PTPRD: variants seen among roughly 807,000 people sequenced by gnomAD.
PTPRD encodes the protein receptor-type tyrosine-protein phosphatase delta.
Under a neutral mutation model 214.5 loss-of-function variants are expected in PTPRD, and 34 were observed. The ratio of observed to expected loss-of-function variants is 0.16; its 90% CI spans 0.12 to 0.21. The LOEUF is 0.21. PTPRD is among the 10% of genes least tolerant of loss of function. The pLI is 1.00. For missense variants in PTPRD, 2,545 were observed against 2,398.7 expected (o/e 1.06, Z -1.27); for synonymous variants, 1,128 against 845.7 (o/e 1.33, Z -5.79).
rs1032459901 is a variant in PTPRD at position 10,438,028 on chromosome 9, T to A, written c.-599-97011A>T. 4.7e-4 allele frequency among the ~76,000 whole-genome samples: 68 copies of A among 144,476 alleles called. 2 individuals carry two copies. The highest frequency in any genetic ancestry group is 2.1e-3 in the South Asian group (10 of 4,666). 94.8% of individuals were successfully genotyped at this position (144,476 alleles called of 152,430 possible). ...GTCTACATATATATATATATATATA[T>A]AGTGAAGGGTCATGTTCCTATAATA... is the stretch of plus-strand genomic sequence containing the variant. On this transcript the variant is annotated intron_variant, in intron 2 of 45. Transcript: ENST00000381196.
At chr9:9,962,087 T>A (rs1421624642) in intron 4 of PTPRD, among the ~76,000 whole-genome samples, 3 of 152,106 alleles carry the variant, frequency 2.0e-5, no homozygotes. Context: ...TTGCAGAACA[T>A]CCTGGGTCTT....
chr9:8,448,865 C>A (rs577063896), intron 34 of PTPRD, among the ~76,000 whole-genome samples: 1 of 152,276 alleles, frequency 6.6e-6, no homozygotes, highest in Admixed American at 6.5e-5. Context: ...ATTTGTGGGA[C>A]AACACTGCAA....
intron 9 of PTPRD, among the ~76,000 whole-genome samples, chr9:9,380,060 G>C (rs1264782577): frequency 6.6e-6 from 1 of 151,994 alleles, no homozygotes; most frequent in Non-Finnish European, 1.5e-5. Flanking sequence ...GTGTTTAAAG[G>C]TGTAGCGAGA....
intron 2 of PTPRD, among the ~76,000 whole-genome samples, chr9:10,343,985 T>G (rs1218777959): frequency 4.4e-5 from 6 of 136,796 alleles, no homozygotes; most frequent in East Asian, 4.3e-4. Flanking sequence ...GTAGTTTTTT[T>G]TTTTTTTTTT....
chr9:8,988,676 AT>A (rs34434355), intron 11 of PTPRD, among the ~76,000 whole-genome samples: 3 of 151,940 alleles, frequency 2.0e-5, no homozygotes, highest in African/African-American at 7.2e-5. Context: ...TAACATTACG[AT>A]TTTTTTAGGC....
At chr9:10,152,426 ATG>A (rs1286363975) in intron 3 of PTPRD, among the ~76,000 whole-genome samples, 1 of 152,188 alleles carries the variant, frequency 6.6e-6, no homozygotes, top group Non-Finnish European at 1.5e-5. Flanking sequence ...TTCATCAGAT[ATG>A]TGATTCACAA....
At chr9:10,539,506 G>C (rs909620413) in intron 2 of PTPRD, among the ~76,000 whole-genome samples, 8 of 152,144 alleles carry the variant, frequency 5.3e-5, no homozygotes, top group African/African-American at 1.9e-4. Context: ...TTAATAGAAA[G>C]TCTAACTCCA....
At chr9:8,897,548 A>T (rs1021788557) in intron 11 of PTPRD, among the ~76,000 whole-genome samples, 3 of 152,202 alleles carry the variant, frequency 2.0e-5, no homozygotes, top group Non-Finnish European at 4.4e-5. Context: ...ATCCCCAGAG[A>T]GGGCCTTCGC....
At chr9:9,066,827 T>A (rs2099735305) in intron 10 of PTPRD, among the ~76,000 whole-genome samples, 1 of 152,256 alleles carries the variant, frequency 6.6e-6, no homozygotes, top group South Asian at 2.1e-4. Context: ...GTGATCTAGC[T>A]GACACCTTAA....
chr9:8,429,471 T>A (rs2094906406), intron 35 of PTPRD, among the ~76,000 whole-genome samples: 1 of 152,198 alleles, frequency 6.6e-6, no homozygotes, highest in Non-Finnish European at 1.5e-5. Context: ...AACACTGTCT[T>A]GATGTATTTC....
intron 5 of PTPRD, among the ~76,000 whole-genome samples, chr9:9,909,884 T>C (rs1401574285): frequency 6.6e-6 from 1 of 151,980 alleles, no homozygotes; most frequent in Non-Finnish European, 1.5e-5. Context: ...GCTGTATATT[T>C]TTTTCTTTAT....
At chr9:9,260,537 C>T (rs1385606466) in intron 9 of PTPRD, among the ~76,000 whole-genome samples, 1 of 151,810 alleles carries the variant, frequency 6.6e-6, no homozygotes, top group Admixed American at 6.6e-5. Context: ...TCCTTCCTAT[C>T]ACCTTTTTTC....
chr9:9,873,913 C>G (rs2066143006), intron 5 of PTPRD, among the ~76,000 whole-genome samples: 2 of 151,926 alleles, frequency 1.3e-5, no homozygotes, highest in South Asian at 4.2e-4. Flanking sequence ...TAAAGTAAAA[C>G]AATAGCTGAC....
intron 3 of PTPRD, among the ~76,000 whole-genome samples, chr9:10,139,938 G>C (rs1413161039): frequency 6.6e-6 from 1 of 152,032 alleles, no homozygotes; most frequent in East Asian, 1.9e-4. Context: ...CAAAATTCTA[G>C]AAGAAAATCC....
At chr9:8,411,316 T>TATTTTA (rs931006788) in intron 35 of PTPRD, among the ~76,000 whole-genome samples, 1 of 152,054 alleles carries the variant, frequency 6.6e-6, no homozygotes, top group East Asian at 1.9e-4. Context: ...TTTTTATTTT[T>TATTTTA]ATTTTTTTTG....
chr9:9,654,819 T>G (rs1342824986), intron 7 of PTPRD, among the ~76,000 whole-genome samples: 1 of 152,148 alleles, frequency 6.6e-6, no homozygotes, highest in Non-Finnish European at 1.5e-5. Flanking sequence ...AATGACTTTC[T>G]CTCTTTAACT....
At chr9:10,360,315 T>C (rs878882693) in intron 2 of PTPRD, among the ~76,000 whole-genome samples, 3 of 152,242 alleles carry the variant, frequency 2.0e-5, no homozygotes, top group Admixed American at 2.0e-4. Flanking sequence ...AAAGGGTATT[T>C]TAAGTACATC....
chr9:10,566,259 CTATT>C (rs2065578592), intron 2 of PTPRD, among the ~76,000 whole-genome samples: 1 of 151,884 alleles, frequency 6.6e-6, no homozygotes, highest in South Asian at 2.1e-4. Context: ...TTTTTGGTGT[CTATT>C]TAAAAGTTTT....
intron 14 of PTPRD, among the ~76,000 whole-genome samples, chr9:8,561,220 T>C (rs1410421199): frequency 6.6e-6 from 1 of 152,120 alleles, no homozygotes; most frequent in African/African-American, 2.4e-5. Flanking sequence ...GTCTTCGCTT[T>C]AATCTTTTTT....
Sources: allele counts gnomAD v4.1 joint callset (sites outside exome capture counted in the v4.1 genomes callset), GRCh38; gene constraint gnomAD v4.1.1; transcripts MANE v1.5; gene names NCBI Gene and HGNC (gene_info 2026-07-23, HGNC 2026-07-21).